The following EPHA3 variants were observed in gnomAD, a reference collection of about 807,000 sequenced individuals.
EPHA3 encodes EPH receptor A3.
In EPHA3, 42 loss-of-function variants were observed where a neutral mutation model predicts 107.1. That is an observed-to-expected ratio of 0.39 (90% CI 0.31 to 0.51). The LOEUF (loss-of-function observed/expected upper bound fraction) is 0.51. Among genes scored for constraint, EPHA3 ranks in the 20% least tolerant of loss-of-function variants. EPHA3 has a pLI of 0.78. For missense variants in EPHA3, 1,183 were observed against 1,211.2 expected, an observed-to-expected ratio of 0.98 and a Z score of 0.35; for synonymous variants, 461 against 424.8, an observed-to-expected ratio of 1.09 and a Z score of -1.05.
intron 3 of EPHA3, among the ~76,000 whole-genome samples, chr3:89,235,050 C>T (rs1399028461): frequency 7.4e-6 from 1 of 134,558 alleles, no homozygotes; most frequent in Admixed American, 7.5e-5. Flanking sequence ...TCCCTCTCTC[C>T]CTCTTTCTTT....
chr3:89,143,890 T>A lies in EPHA3; in HGVS notation c.153+16617T>A, dbSNP rs1704482991. ...ATATATTTTACCACATATCATTTTG[T>A]CATCAGTTTAACTTTTTAAAATTAA... On this transcript the variant is annotated intron_variant, in intron 2 of 16. Transcript: ENST00000336596. Among the ~76,000 whole-genome samples, 2 of 151,616 alleles carry A rather than the reference T, an allele frequency of 1.3e-5. 1 individual carries two copies. The highest frequency in any genetic ancestry group is 1.3e-4 in the Admixed American group (2 of 15,150).
chr3:89,350,382 G>A (rs552343001), intron 5 of EPHA3, among the ~76,000 whole-genome samples: 2,401 of 151,126 alleles, frequency 0.016, 81 homozygotes, highest in African/African-American at 0.055. Flanking sequence ...TTCCATCACT[G>A]ATACCCTTTC....
At chr3:89,166,814 G>A (rs1483929101) in intron 2 of EPHA3, among the ~76,000 whole-genome samples, 1 of 152,098 alleles carries the variant, frequency 6.6e-6, no homozygotes, top group Non-Finnish European at 1.5e-5. Flanking sequence ...CAATATTAAG[G>A]GGGTGCTTTT....
chr3:89,351,619 A>T (rs147676486), intron 5 of EPHA3, among the ~76,000 whole-genome samples: 2 of 151,204 alleles, frequency 1.3e-5, no homozygotes, highest in African/African-American at 4.8e-5. Context: ...AGCTGTTCCT[A>T]TTCGGCCATC....
intron 13 of EPHA3, among the ~76,000 whole-genome samples, chr3:89,432,757 A>G (rs1709593216): frequency 6.6e-6 from 1 of 152,142 alleles, no homozygotes; most frequent in South Asian, 2.1e-4. Flanking sequence ...CTCTTTTGGC[A>G]TAAAGTTACA....
chr3:89,262,982 T>A (rs1363146686), intron 3 of EPHA3, among the ~76,000 whole-genome samples: 1 of 125,128 alleles, frequency 8.0e-6, no homozygotes, highest in Non-Finnish European at 1.8e-5. Context: ...TTTTTTTTTT[T>A]TTTTTTTTAA....
intron 3 of EPHA3, among the ~76,000 whole-genome samples, chr3:89,227,576 T>C (rs1036628338): frequency 2.0e-5 from 3 of 152,014 alleles, no homozygotes; most frequent in Non-Finnish European, 2.9e-5. Flanking sequence ...AATCCTGGAA[T>C]GTGGGGCAAA....
rs1336829276 is a variant in EPHA3, at chr3:89,449,181, T to G, written c.2347-44T>G. Reference sequence around the variant, plus strand: ...AGATTATGTTATGTATATTATATGTTCTATGCATTGCTGATTTATGTAGAC... The same window carrying G: ...AGATTATGTTATGTATATTATATGTGCTATGCATTGCTGATTTATGTAGAC... On this transcript the variant is annotated intron_variant, in intron 13 of 16. Transcript: ENST00000336596. The G allele has an allele frequency of 1.9e-6, 3 of 1,549,530 alleles. No homozygotes were observed. The Admixed American group carries it at 5.2e-5, about 27-fold the overall frequency.
chr3:89,312,765 G>A (rs1559642921), intron 3 of EPHA3, among the ~76,000 whole-genome samples: 1 of 151,846 alleles, frequency 6.6e-6, no homozygotes, highest in African/African-American at 2.4e-5. Context: ...GCCCCAGTGT[G>A]TGTGGTTCCT....
At chr3:89,348,484 T>C (rs1448410188) in intron 5 of EPHA3, among the ~76,000 whole-genome samples, 19 of 121,416 alleles carry the variant, frequency 1.6e-4, no homozygotes, top group African/African-American at 5.9e-4. Context: ...TTTTTTATTG[T>C]GTCTATTTGA....
Position 89,121,755 on chromosome 3 carries a change from C to CAAA in EPHA3, c.89-5440_89-5438dup, listed in dbSNP as rs11342577. Reference sequence around the variant, plus strand: ...CTGGCGACACAGGGAGACCCCGTCTCAAAAAAAAAAAAAAAATTATGCTTG... The same window carrying CAAA: ...CTGGCGACACAGGGAGACCCCGTCTCAAAAAAAAAAAAAAAAAAATTATGCTTG... On this transcript the variant is annotated intron_variant, in intron 1 of 16. Transcript: ENST00000336596. Among the ~76,000 whole-genome samples, 4 of 133,096 alleles carry CAAA rather than the reference C, an allele frequency of 3.0e-5. No homozygotes were observed. In the South Asian group the frequency reaches 9.8e-4, roughly 33 times the overall value. 87.3% of individuals were successfully genotyped at this position (133,096 alleles called of 152,430 possible). A position where few individuals can be genotyped will look rare whatever the true frequency, so the allele number is the denominator to read the frequency against.
At chr3:89,413,309 A>G (rs1272469588) in intron 10 of EPHA3, 43 bp downstream of exon 10, 1 of 1,609,112 alleles carries the variant, frequency 6.2e-7, no homozygotes, top group Non-Finnish European at 8.5e-7. Context: ...CTGTATGTGA[A>G]TCACGATTGC....
intron 15 of EPHA3, among the ~76,000 whole-genome samples, chr3:89,457,818 T>C (rs1435897647): frequency 6.6e-6 from 1 of 152,150 alleles, no homozygotes; most frequent in Non-Finnish European, 1.5e-5. Context: ...CTTTCAATAG[T>C]CTAAGAAAAG....
At chr3:89,290,738 CTG>C (rs1399940659) in intron 3 of EPHA3, among the ~76,000 whole-genome samples, 53 of 152,184 alleles carry the variant, frequency 3.5e-4, no homozygotes, top group African/African-American at 1.1e-3. Context: ...TTTATTGTCA[CTG>C]TGTGAGTTTT....
intron 3 of EPHA3, among the ~76,000 whole-genome samples, chr3:89,316,050 C>T (rs1706891343): frequency 6.6e-6 from 1 of 151,708 alleles, no homozygotes; most frequent in South Asian, 2.1e-4. Context: ...GTAAAAGGCA[C>T]TCCTTGAAAA....
intron 5 of EPHA3, among the ~76,000 whole-genome samples, chr3:89,358,716 T>G (rs916318536): frequency 5.3e-5 from 8 of 151,120 alleles, no homozygotes; most frequent in African/African-American, 1.7e-4. Flanking sequence ...AGTTTTATCT[T>G]TTTTTCATTA....
chr3:89,280,027 G>T, intron 3 of EPHA3, among the ~76,000 whole-genome samples: 1 of 73,354 alleles, frequency 1.4e-5, no homozygotes, highest in East Asian at 3.2e-4. Context: ...GTGTGCACCT[G>T]TGTGTGTGTG....
chr3:89,314,622 A>G (rs952162805), intron 3 of EPHA3, among the ~76,000 whole-genome samples: 34 of 151,992 alleles, frequency 2.2e-4, no homozygotes, highest in African/African-American at 8.0e-4. Context: ...TGACCTCATC[A>G]GTAACATAAG....
rs1299252616 is a variant in EPHA3, at chr3:89,308,980, A to G, written c.815-31936A>G. ...CAGCATCTGGGAGGCAAACAGAGGA[A>G]GATTCTGAGAAGTGTTCTAGAAGTT... On this transcript the variant is annotated intron_variant, in intron 3 of 16. Transcript: ENST00000336596. 3.3e-5 allele frequency among the ~76,000 whole-genome samples: 5 copies of G among 152,150 alleles called. No individual in the cohort carries two copies. In the East Asian group the frequency reaches 9.7e-4, roughly 29 times the overall value.
Sources: allele counts gnomAD v4.1 joint callset (sites outside exome capture counted in the v4.1 genomes callset), GRCh38; gene constraint gnomAD v4.1.1; transcripts MANE v1.5; gene names NCBI Gene and HGNC (gene_info 2026-07-23, HGNC 2026-07-21).